SLC3A1: variants seen among roughly 807,000 people sequenced by gnomAD.
SLC3A1 encodes the protein solute carrier family 3 member 1.
SLC3A1 carries 78 observed loss-of-function variants against 60.3 expected under a neutral mutation model. That is an observed-to-expected ratio of 1.29 (90% CI 1.08 to 1.56). The LOEUF is 1.56. SLC3A1 is among the 40% of genes most tolerant of loss of function. The pLI, the probability that SLC3A1 is intolerant of heterozygous loss-of-function variation, is 0.00. For synonymous variants in SLC3A1, 392 were observed against 307.9 expected, an observed-to-expected ratio of 1.27 and a Z score of -2.86; for missense variants, 1,172 against 858.9, an observed-to-expected ratio of 1.36 and a Z score of -4.56.
downstream of SLC3A1, chr2:44,321,533 C>T (rs1315549404): frequency 5.2e-6 from 8 of 1,539,948 alleles, no homozygotes; most frequent in East Asian, 1.9e-4. Context: ...TCCATCTTTA[C>T]CTAACCGTGA....
chr2:44,302,190 G>C (rs1245877725), intron 6 of SLC3A1, among the ~76,000 whole-genome samples: 1 of 152,182 alleles, frequency 6.6e-6, no homozygotes, highest in African/African-American at 2.4e-5. Flanking sequence ...TTGGAATCAG[G>C]TAGGTCTGAA....
chr2:44,275,706 C>G lies in SLC3A1; in HGVS notation c.171C>G (p.Pro57=). 4 of 1,614,158 alleles carry G rather than the reference C, an allele frequency of 2.5e-6. No homozygotes were observed. Among genetic ancestry groups the G allele is most frequent in the Non-Finnish European group, 3.4e-6 (4 of 1,179,992 alleles). The change falls in exon 1 of 10, where the codon CCC becomes CCG. Residue 57 remains proline (P), a synonymous_variant. Coordinates refer to ENST00000260649, the MANE Select transcript of SLC3A1 (RefSeq NM_000341.4). ...GGGGCATCCTTGGCTCCCAGGAGCCCGACTTCAAGGGCGTCCAGCCCTATG... is the reference window on the plus strand; with the variant it reads ...GGGGCATCCTTGGCTCCCAGGAGCCGGACTTCAAGGGCGTCCAGCCCTATG... ...STRGILGSQE[P]DFKGVQPYAG...
intron 7 of SLC3A1, among the ~76,000 whole-genome samples, chr2:44,312,326 G>A (rs34968432): frequency 6.6e-6 from 1 of 152,096 alleles, no homozygotes. Context: ...GAGAAAATAT[G>A]ACTATGTACC....
chr2:44,287,044 T>G (rs538351783), intron 4 of SLC3A1, among the ~76,000 whole-genome samples: 149 of 152,332 alleles, frequency 9.8e-4, no homozygotes, highest in Non-Finnish European at 7.5e-4. Context: ...ACGACACTTC[T>G]GTACTCATTG....
At chr2:44,313,552 GTAT>G (rs1424736928) in intron 8 of SLC3A1, among the ~76,000 whole-genome samples, 14 of 152,156 alleles carry the variant, frequency 9.2e-5, no homozygotes, top group Non-Finnish European at 1.0e-4. Context: ...TTGAAATCCT[GTAT>G]TATTGATTTT....
chr2:44,312,605 C>G lies in SLC3A1; in HGVS notation c.1352C>G (p.Ser451Ter), dbSNP rs751967477. 14 of 1,613,776 alleles carry G rather than the reference C, an allele frequency of 8.7e-6. No individual in the cohort carries two copies. The highest frequency in any genetic ancestry group is 1.2e-5 in the Non-Finnish European group (14 of 1,179,852). ...TTTCAGATTGGTGGACCAGACAGTT[C>G]ACGGCTGACTTCGCGTTTGGGGAAT... is the stretch of plus-strand genomic sequence containing the variant. ...PNWMIGGPDS[S>*]RLTSRLGNQY... Residue 451 changes from serine to a stop codon, truncating the protein, a stop_gained, in exon 8 of 10, where the codon TCA (serine) becomes TGA (stop). Transcript: ENST00000260649. LOFTEE classifies it high-confidence loss of function.
intron 3 of SLC3A1, among the ~76,000 whole-genome samples, chr2:44,284,128 G>T (rs1417035904): frequency 1.3e-5 from 2 of 152,088 alleles, no homozygotes; most frequent in Non-Finnish European, 2.9e-5. Context: ...CGCCCAGGCT[G>T]GACTGCAGTG....
chr2:44,291,025 C>T (rs1472038222), intron 4 of SLC3A1, among the ~76,000 whole-genome samples: 1 of 152,140 alleles, frequency 6.6e-6, no homozygotes, highest in Non-Finnish European at 1.5e-5. Flanking sequence ...GATCATTTTA[C>T]AGAGAAGGAA....
intron 2 of SLC3A1, 113 bp downstream of exon 2, chr2:44,281,008 TC>T: frequency 1.2e-6 from 1 of 811,300 alleles, no homozygotes; most frequent in South Asian, 1.5e-5. Context: ...TTTCTTTCCC[TC>T]CCTCCCTCCC....
At chr2:44,299,010 C>T (rs1319928470) in intron 4 of SLC3A1, among the ~76,000 whole-genome samples, 1 of 149,740 alleles carries the variant, frequency 6.7e-6, no homozygotes, top group African/African-American at 2.5e-5. Context: ...GAAATTAAAG[C>T]CAGTGGAATA....
intron 9 of SLC3A1, chr2:44,314,293 G>C: frequency 1.8e-6 from 1 of 542,936 alleles, no homozygotes. Context: ...AAGGCAGGGA[G>C]AGAGGCGAGT....
chr2:44,283,238 A>G (rs1021047198), intron 3 of SLC3A1, among the ~76,000 whole-genome samples: 2 of 152,052 alleles, frequency 1.3e-5, no homozygotes, highest in African/African-American at 4.8e-5. Context: ...GTGATGTGTG[A>G]TTTTCTCCCT....
In SLC3A1 at chr2:44,280,896, G is replaced by GT. The variant is rs1028476415; in HGVS notation, c.610+2dup. 4 of 1,613,762 alleles carry GT rather than the reference G, an allele frequency of 2.5e-6. No individual in the cohort carries two copies. In the African/African-American group the frequency reaches 4.0e-5, roughly 16 times the overall value. On this transcript the variant is annotated splice_donor_variant, in intron 2 of 9. Transcript: ENST00000260649. LOFTEE classifies it high-confidence loss of function. ...CTGGTTGCAGCCATACATGATAAAG[G>GT]TAAGTTGAATGGAAAGTGGGCAAGA...
At chr2:44,298,382 GC>G (rs1326195077) in intron 4 of SLC3A1, among the ~76,000 whole-genome samples, 1 of 145,632 alleles carries the variant, frequency 6.9e-6, no homozygotes, top group Non-Finnish European at 1.5e-5. Flanking sequence ...CCCTGCCACT[GC>G]CTTTTTTTTT....
At chr2:44,321,771 A>T (rs755372375), downstream of SLC3A1, 2 of 1,613,632 alleles carry the variant, frequency 1.2e-6, no homozygotes, top group Non-Finnish European at 1.7e-6. Flanking sequence ...GAAAATGTGA[A>T]AACAACATGT....
intron 7 of SLC3A1, among the ~76,000 whole-genome samples, chr2:44,311,232 T>TAACA (rs1672287743): frequency 6.6e-6 from 1 of 152,216 alleles, no homozygotes; most frequent in Non-Finnish European, 1.5e-5. Flanking sequence ...TTTTTAACTC[T>TAACA]AACAGTTTTA....
At position 44,304,140 on chromosome 2, in the gene SLC3A1, T is replaced by A. The variant is rs555017366; in HGVS notation, c.1137-3T>A. On this transcript the variant is annotated splice_region_variant and splice_polypyrimidine_tract_variant and intron_variant, in intron 6 of 9. Transcript: ENST00000260649. ...TGACACTGAACCTTGTCAACTCTTA[T>A]AGGTTCATGGGGACTGAAGCCTATG... The A allele has an allele frequency of 3.1e-6, 5 of 1,613,012 alleles. No individual in the cohort carries two copies. Among genetic ancestry groups the A allele is most frequent in the Non-Finnish European group, 4.2e-6 (5 of 1,178,964 alleles).
rs552579658 is a variant in SLC3A1, at chr2:44,281,159, C to CTTT, written c.611-214_611-212dup. On this transcript the variant is annotated intron_variant, in intron 2 of 9. Coordinates refer to ENST00000260649, the MANE Select transcript of SLC3A1 (RefSeq NM_000341.4). ...CCTCCCCTCCCCTCTCCTTTCCCTGCTTTTTTTTTTTTTTTTCCAGGCAGG... is the reference window on the plus strand; with the variant it reads ...CCTCCCCTCCCCTCTCCTTTCCCTGCTTTTTTTTTTTTTTTTTTTCCAGGCAGG... Among the ~76,000 whole-genome samples, 185 of 112,550 alleles carry CTTT rather than the reference C, an allele frequency of 1.6e-3. 3 individuals are homozygous for CTTT. Among genetic ancestry groups the CTTT allele is most frequent in the African/African-American group, 5.6e-3 (160 of 28,674 alleles). The allele number at this position is 112,550 out of a possible 152,430, so 73.8% of individuals were successfully genotyped here.
intron 6 of SLC3A1, among the ~76,000 whole-genome samples, chr2:44,301,594 C>T (rs1466167012): frequency 2.0e-5 from 3 of 151,870 alleles, no homozygotes; most frequent in Non-Finnish European, 2.9e-5. Flanking sequence ...CAAAAATTAG[C>T]TGGGTGTGGT....
Sources: gnomAD v4.1 joint callset for allele counts (sites outside exome capture counted in the v4.1 genomes callset) on GRCh38, gnomAD v4.1.1 for gene constraint, MANE v1.5 for transcripts, NCBI Gene and HGNC (gene_info 2026-07-23, HGNC 2026-07-21) for gene names.